The following MTCL2 variants were observed in gnomAD, a reference collection of about 807,000 sequenced individuals.
MTCL2 encodes microtubule cross-linking factor 2.
chr20:36,862,642 A>G, the MTCL2 span: 1 of 1,482,488 alleles, frequency 6.7e-7, no homozygotes, highest in Non-Finnish European at 8.9e-7. Context: ...CTCCCTTTCT[A>G]CCCGGGCGCC....
the MTCL2 span, chr20:36,794,584 A>C: frequency 6.2e-7 from 1 of 1,614,024 alleles, no homozygotes; most frequent in African/African-American, 1.3e-5. This position sits in a 1 kb window ranked among gnomAD's most constrained non-coding sequence, Gnocchi z 5.4. Flanking sequence ...CAGACATGGA[A>C]GAAACAGATT....
chr20:36,843,931 A>C, the MTCL2 span, among the ~76,000 whole-genome samples: 15 of 152,174 alleles, frequency 9.9e-5, no homozygotes, highest in Admixed American at 7.9e-4. Context: ...TAAATGACTG[A>C]TTTTCTTATT....
chr20:36,788,174 C>A, the MTCL2 span, among the ~76,000 whole-genome samples: 3 of 142,686 alleles, frequency 2.1e-5, no homozygotes, highest in Admixed American at 2.2e-4. Flanking sequence ...GCACTCCAGC[C>A]TGGGGGACAG....
At chr20:36,830,383 T>C in the MTCL2 span, among the ~76,000 whole-genome samples, 2 of 151,990 alleles carry the variant, frequency 1.3e-5, no homozygotes, top group African/African-American at 2.4e-5. Context: ...CTGGGGAACA[T>C]AGCAAGACCC....
chr20:36,844,240 AAAAATAAAAT>A, the MTCL2 span, among the ~76,000 whole-genome samples: 4 of 151,558 alleles, frequency 2.6e-5, no homozygotes, highest in African/African-American at 7.3e-5. Flanking sequence ...TGTCTCAGAA[AAAAATAAAAT>A]AAAATAAAAT....
At chr20:36,802,958 C>T in the MTCL2 span, 1 of 1,582,510 alleles carries the variant, frequency 6.3e-7, no homozygotes, top group Non-Finnish European at 8.6e-7. Context: ...TCCAGTTGCG[C>T]TCACTGATCT....
At chr20:36,793,851 G>A in the MTCL2 span, 21 of 1,546,658 alleles carry the variant, frequency 1.4e-5, no homozygotes, top group East Asian at 4.4e-4. The surrounding 1 kb of genome is among the most constrained non-coding windows in gnomAD (Gnocchi z 6.8). Flanking sequence ...ACAGACACGA[G>A]CGAAGAGCTG....
chr20:36,780,129 G>C, the MTCL2 span: 1 of 152,136 alleles, frequency 6.6e-6, no homozygotes, highest in Non-Finnish European at 1.5e-5. Flanking sequence ...TCTGGTTTGC[G>C]ATGTGACCTT....
At chr20:36,829,479 C>T in the MTCL2 span, among the ~76,000 whole-genome samples, 1 of 151,404 alleles carries the variant, frequency 6.6e-6, no homozygotes, top group Non-Finnish European at 1.5e-5. Context: ...TGGGAAGACC[C>T]TGTTCTCAGG....
chr20:36,812,957 C>T, the MTCL2 span: 3 of 1,291,318 alleles, frequency 2.3e-6, no homozygotes, highest in Admixed American at 7.5e-5. Flanking sequence ...CTTGAACCAC[C>T]CACCTGAGGG....
chr20:36,815,474 C>T, the MTCL2 span: 2 of 1,598,972 alleles, frequency 1.3e-6, no homozygotes, highest in African/African-American at 2.7e-5. This position sits in a 1 kb window ranked among gnomAD's most constrained non-coding sequence, Gnocchi z 5.3. Flanking sequence ...CCTGCTCTCT[C>T]AGCCCAGGCA....
At chr20:36,846,542 T>C in the MTCL2 span, among the ~76,000 whole-genome samples, 1 of 152,218 alleles carries the variant, frequency 6.6e-6, no homozygotes, top group Admixed American at 6.5e-5. Context: ...AATAGCTGTT[T>C]TTGGAGAAAA....
At chr20:36,803,709 G>A in the MTCL2 span, among the ~76,000 whole-genome samples, 3 of 152,004 alleles carry the variant, frequency 2.0e-5, no homozygotes, top group African/African-American at 4.8e-5. Flanking sequence ...TACTCCCAGC[G>A]CTTTGGGAGG....
chr20:36,840,715 G>A, the MTCL2 span, among the ~76,000 whole-genome samples: 2 of 151,764 alleles, frequency 1.3e-5, no homozygotes, highest in Non-Finnish European at 2.9e-5. Context: ...GCATGGTGGC[G>A]GGTGCCTGTA....
chr20:36,837,840 G>A, the MTCL2 span, among the ~76,000 whole-genome samples: 2 of 152,086 alleles, frequency 1.3e-5, no homozygotes, highest in East Asian at 3.9e-4. Context: ...GCCTCCCAAA[G>A]TGCTGGGATT....
At chr20:36,861,652 A>G in the MTCL2 span, among the ~76,000 whole-genome samples, 1 of 152,222 alleles carries the variant, frequency 6.6e-6, no homozygotes, top group Admixed American at 6.5e-5. Flanking sequence ...CACTGACAAG[A>G]GTCGGCAACA....
chr20:36,785,151 A>T, the MTCL2 span: 1 of 985,260 alleles, frequency 1.0e-6, no homozygotes. Flanking sequence ...TTCTGAGGCC[A>T]CATGGCCAGC....
the MTCL2 span, among the ~76,000 whole-genome samples, chr20:36,826,649 G>A: frequency 5.5e-4 from 84 of 151,816 alleles, no homozygotes; most frequent in Non-Finnish European, 1.1e-3. Flanking sequence ...GAATGCTGGG[G>A]TTACAAGCAT....
chr20:36,819,288 C>T, the MTCL2 span, among the ~76,000 whole-genome samples: 2 of 152,188 alleles, frequency 1.3e-5, no homozygotes, highest in South Asian at 2.1e-4. Flanking sequence ...GTTGTTTTGA[C>T]TTTTCAAGGT....
Sources: allele counts gnomAD v4.1 joint callset (sites outside exome capture counted in the v4.1 genomes callset), GRCh38; gene constraint gnomAD v4.1.1; non-coding constraint Gnocchi (gnomAD v3.1); transcripts MANE v1.5; gene names NCBI Gene and HGNC (gene_info 2026-07-23, HGNC 2026-07-21).